ELFN1: variants seen among roughly 807,000 people sequenced by gnomAD.
The protein encoded by ELFN1 is extracellular leucine rich repeat and fibronectin type III domain containing 1, also known as protein ELFN1.
A neutral mutation model predicts 7.6 loss-of-function variants in ELFN1; 6 were observed. The ratio of observed to expected loss-of-function variants is 0.79; its 90% CI spans 0.43 to 1.56. The LOEUF is 1.56. Ranked by LOEUF, ELFN1 falls within the 40% of genes most tolerant of loss-of-function variation. ELFN1 has a pLI of 0.01. For synonymous variants in ELFN1, 657 were observed against 588.1 expected (o/e 1.12, Z -1.70); for missense variants, 1,169 against 1,232.2 (o/e 0.95, Z 0.77).
intron 1 of ELFN1, among the ~76,000 whole-genome samples, chr7:1,679,199 C>G (rs1213338475): frequency 2.7e-5 from 4 of 150,098 alleles, no homozygotes; most frequent in African/African-American, 1.0e-4. Flanking sequence ...ACACACACAA[C>G]TGCGCATGGC....
intron 3 of ELFN1, among the ~76,000 whole-genome samples, chr7:1,728,056 T>C (rs894536985): frequency 3.9e-5 from 6 of 152,188 alleles, no homozygotes; most frequent in African/African-American, 1.4e-4. Context: ...TCCAGAGCCA[T>C]TGAGAGGCAG....
chr7:1,717,365 A>T (rs1271030528), intron 3 of ELFN1, among the ~76,000 whole-genome samples: 1 of 152,150 alleles, frequency 6.6e-6, no homozygotes, highest in East Asian at 1.9e-4. Flanking sequence ...TGGCCCTGAG[A>T]TGCCATGAGC....
chr7:1,711,210 C>A (rs772824399), intron 3 of ELFN1, among the ~76,000 whole-genome samples: 1 of 152,204 alleles, frequency 6.6e-6, no homozygotes, highest in African/African-American at 2.4e-5. Flanking sequence ...GACCAGTCTC[C>A]GAGGGGCTGC....
In ELFN1 at chr7:1,747,709, G is replaced by A. The variant is rs1271257557; in HGVS notation, c.*626G>A. On this transcript the variant is annotated 3_prime_UTR_variant, in exon 4 of 4. Transcript: ENST00000424383. ...CCTGGAGCCCTGCTGGACTCAGGGTGGGTGGAGGCTGTGCCTGTGGACGGC... is the reference window on the plus strand; with the variant it reads ...CCTGGAGCCCTGCTGGACTCAGGGTAGGTGGAGGCTGTGCCTGTGGACGGC... The A allele has an allele frequency of 6.1e-6, 1 of 165,054 alleles. No individual in the cohort carries two copies. Among genetic ancestry groups the A allele is most frequent in the African/African-American group, 2.4e-5 (1 of 41,458 alleles). 10.2% of individuals were successfully genotyped at this position (165,054 alleles called of 1,614,324 possible).
At position 1,739,562 on chromosome 7, in the gene ELFN1, C is replaced by T. The variant is rs1437865429; in HGVS notation, c.-293-4742C>T. 1 of 153,182 alleles carries T rather than the reference C, an allele frequency of 6.5e-6. No homozygotes were observed. The highest frequency in any genetic ancestry group is 2.4e-5 in the African/African-American group (1 of 41,434). The allele number at this position is 153,182 out of a possible 1,614,324, so 9.5% of individuals were successfully genotyped here. A position where few individuals can be genotyped will look rare whatever the true frequency, so the allele number is the denominator to read the frequency against. ...TGCACAGAGACAAGAGCACGGGGCA[C>T]AAGACCCCCTGGGAGAGCTGGGGAG... is the stretch of plus-strand genomic sequence containing the variant. On this transcript the variant is annotated intron_variant, in intron 3 of 3. Coordinates refer to ENST00000424383, the MANE Select transcript of ELFN1 (RefSeq NM_001128636.4). This position sits in a 1 kb window ranked among gnomAD's most constrained non-coding sequence, Gnocchi z 4.6.
chr7:1,666,945 G>C (rs917898918), upstream of ELFN1, among the ~76,000 whole-genome samples: 3 of 151,838 alleles, frequency 2.0e-5, no homozygotes, highest in Non-Finnish European at 4.4e-5. The surrounding 1 kb of genome is among the most constrained non-coding windows in gnomAD (Gnocchi z 7.9). Flanking sequence ...AGGCGTCGGT[G>C]ACCCTAGCCT....
intron 2 of ELFN1, among the ~76,000 whole-genome samples, chr7:1,690,966 A>G (rs75589759): frequency 6.6e-6 from 1 of 152,342 alleles, no homozygotes; most frequent in East Asian, 1.9e-4. Flanking sequence ...GATGATACAT[A>G]CAGAGACCTA....
chr7:1,695,067 G>C lies in ELFN1; in HGVS notation c.-456+6917G>C, dbSNP rs1013850793. 6.6e-6 allele frequency among the ~76,000 whole-genome samples: 1 copy of C among 152,180 alleles called. No homozygotes were observed. The highest frequency in any genetic ancestry group is 1.5e-5 in the Non-Finnish European group (1 of 68,038). On this transcript the variant is annotated intron_variant, in intron 2 of 3. Coordinates refer to ENST00000424383, the MANE Select transcript of ELFN1 (RefSeq NM_001128636.4). The surrounding 1 kb of genome is among the most constrained non-coding windows in gnomAD (Gnocchi z 5.1). ...GCCCATCCCCCTCACTTTGAGTTAC[G>C]CTGCAGACGGCTCCGGATGCACGTG... is the stretch of plus-strand genomic sequence containing the variant.
chr7:1,726,508 C>T (rs562682620), intron 3 of ELFN1, among the ~76,000 whole-genome samples: 5 of 152,248 alleles, frequency 3.3e-5, no homozygotes, highest in Admixed American at 6.5e-5. Flanking sequence ...CGAGGCCTCA[C>T]GCCCACCAGA....
chr7:1,725,942 A>T (rs1439802387), intron 3 of ELFN1, among the ~76,000 whole-genome samples: 1 of 145,274 alleles, frequency 6.9e-6, no homozygotes, highest in Non-Finnish European at 1.5e-5. Context: ...ACTCACAAAT[A>T]CACACGCACA....
chr7:1,738,371 A>AC (rs923574858), intron 3 of ELFN1, among the ~76,000 whole-genome samples: 1 of 151,460 alleles, frequency 6.6e-6, no homozygotes, highest in Non-Finnish European at 1.5e-5. Flanking sequence ...TAGGGTTAGG[A>AC]CCCCCTAACC....
At position 1,673,729 on chromosome 7, in the gene ELFN1, A is replaced by G. The variant is rs1201694131; in HGVS notation, c.-549+3375A>G. Among the ~76,000 whole-genome samples, 1 of 152,160 alleles carries G rather than the reference A, an allele frequency of 6.6e-6. No homozygotes were observed. Among genetic ancestry groups the G allele is most frequent in the Non-Finnish European group, 1.5e-5 (1 of 68,022 alleles). On this transcript the variant is annotated intron_variant, in intron 1 of 3. Coordinates refer to ENST00000424383, the MANE Select transcript of ELFN1 (RefSeq NM_001128636.4). This position sits in a 1 kb window ranked among gnomAD's most constrained non-coding sequence, Gnocchi z 4.7. ...GGAAAGACAATGGTCTCACAAATAA[A>G]TGTGCCTCCTTTCCCTCGGAGATCA...
upstream of ELFN1, among the ~76,000 whole-genome samples, chr7:1,668,551 G>C (rs1212640656): frequency 1.3e-5 from 2 of 152,236 alleles, no homozygotes; most frequent in Non-Finnish European, 2.9e-5. Context: ...GAAGCTGGAG[G>C]GTAGCTTACT....
At chr7:1,697,978 C>T (rs941620001) in intron 2 of ELFN1, among the ~76,000 whole-genome samples, 18 of 152,304 alleles carry the variant, frequency 1.2e-4, no homozygotes, top group South Asian at 2.1e-4. Flanking sequence ...CCCGCAGAGC[C>T]GGCCGGCGGG....
At chr7:1,722,519 G>A (rs1009183812) in intron 3 of ELFN1, among the ~76,000 whole-genome samples, 3 of 151,568 alleles carry the variant, frequency 2.0e-5, no homozygotes, top group African/African-American at 4.8e-5. Context: ...TCCACCCCCC[G>A]CTCAGCCTCC....
rs1052444233 is a variant in ELFN1 at position 1,735,084 on chromosome 7, T to G, written c.-293-9220T>G. Among the ~76,000 whole-genome samples, 1 of 152,134 alleles carries G rather than the reference T, an allele frequency of 6.6e-6. No individual in the cohort carries two copies. Among genetic ancestry groups the G allele is most frequent in the Non-Finnish European group, 1.5e-5 (1 of 68,018 alleles). ...GGAGTCTCAACTTCCTGGCTAGACT[T>G]TCCCATGCTGAGCCTCTGTTTCCCC... is the stretch of plus-strand genomic sequence containing the variant. On this transcript the variant is annotated intron_variant, in intron 3 of 3. Transcript: ENST00000424383. This position sits in a 1 kb window ranked among gnomAD's most constrained non-coding sequence, Gnocchi z 5.9.
intron 1 of ELFN1, among the ~76,000 whole-genome samples, chr7:1,685,459 G>C (rs369772753): frequency 6.6e-5 from 10 of 152,174 alleles, no homozygotes; most frequent in African/African-American, 2.4e-4. Context: ...TAGTGCACTT[G>C]ATGTCTCATG....
intron 2 of ELFN1, among the ~76,000 whole-genome samples, chr7:1,697,972 C>T (rs910175338): frequency 1.3e-5 from 2 of 152,222 alleles, no homozygotes; most frequent in Non-Finnish European, 2.9e-5. Context: ...GGGCTTCCCG[C>T]AGAGCCGGCC....
chr7:1,746,238 A>AAT lies in ELFN1; in HGVS notation c.1642_1643insAT (p.Ser548AsnfsTer137). On this transcript the variant is annotated frameshift_variant, in exon 4 of 4. Transcript: ENST00000424383. LOFTEE classifies it low-confidence loss of function (END_TRUNC). ...TGAGCTGGGCCGGCCGGGCCCCGAC[A>AAT]GCCAGAGTTCGGTGGCCGAGATCTC... 6.7e-7 allele frequency: 1 copy of AAT among 1,502,838 alleles called. No individual in the cohort carries two copies. The highest frequency in any genetic ancestry group is 1.3e-5 in the South Asian group (1 of 76,404). The allele number at this position is 1,502,838 out of a possible 1,614,324, so 93.1% of individuals were successfully genotyped here.
Sources: gnomAD v4.1 joint callset for allele counts (sites outside exome capture counted in the v4.1 genomes callset) on GRCh38, gnomAD v4.1.1 for gene constraint, Gnocchi (gnomAD v3.1) non-coding constraint, MANE v1.5 for transcripts, NCBI Gene and HGNC (gene_info 2026-07-23, HGNC 2026-07-21) for gene names.